Variants in KLHL20 observed in about 807,000 individuals in gnomAD.
KLHL20 encodes the protein kelch-like protein 20.
Under a neutral mutation model 69.5 loss-of-function variants are expected in KLHL20, and 29 were observed. That is an observed-to-expected ratio of 0.42 (90% confidence interval 0.31 to 0.57). KLHL20 has a LOEUF of 0.57. Among genes scored for constraint, KLHL20 ranks in the 20% least tolerant of loss-of-function variants. KLHL20 has a pLI of 0.18. For missense variants in KLHL20, 419 were observed against 776.0 expected (o/e 0.54, Z 5.47); for synonymous variants, 253 against 265.2 (o/e 0.95, Z 0.45).
chr1:173,749,804 A>G (rs1673220589), intron 3 of KLHL20, among the ~76,000 whole-genome samples: 2 of 152,332 alleles, frequency 1.3e-5, no homozygotes, highest in Admixed American at 1.3e-4. Flanking sequence ...AAGATACACA[A>G]TACCATACTT....
At chr1:173,730,272 A>G (rs1210557129) in intron 2 of KLHL20, among the ~76,000 whole-genome samples, 1 of 152,160 alleles carries the variant, frequency 6.6e-6, no homozygotes, top group East Asian at 1.9e-4. Flanking sequence ...AAGAATCAAT[A>G]TCATGAAAAT....
intron 2 of KLHL20, among the ~76,000 whole-genome samples, chr1:173,728,006 A>G (rs1672062559): frequency 6.6e-6 from 1 of 152,190 alleles, no homozygotes; most frequent in Non-Finnish European, 1.5e-5. Context: ...CAGGAAACCC[A>G]TCTCACGTGC....
In KLHL20 at chr1:173,757,057, C is replaced by A; in HGVS notation, c.1049C>A (p.Ser350Ter). Reference protein sequence around the residue: ...PQTNEWRMVASMSKRRCGVGV... With the variant: ...PQTNEWRMVA ...ACCAATGAATGGAGAATGGTGGCTT[C>A]AATGAGCAAAAGGAGATGCGGAGTT... Residue 350 changes from serine (S) to a stop codon, truncating the protein, a stop_gained, in exon 7 of 12, where the codon TCA becomes TAA. Coordinates refer to ENST00000209884, the MANE Select transcript of KLHL20 (RefSeq NM_014458.4). LOFTEE classifies it high-confidence loss of function. 6.2e-7 allele frequency: 1 copy of A among 1,614,080 alleles called. No homozygotes were observed.
At chr1:173,721,591 T>C (rs1401336675) in intron 2 of KLHL20, among the ~76,000 whole-genome samples, 1 of 152,220 alleles carries the variant, frequency 6.6e-6, no homozygotes, top group Non-Finnish European at 1.5e-5. Flanking sequence ...GATTTACCCT[T>C]CCTGCTCCAT....
chr1:173,758,030 G>A (rs1244161140), intron 7 of KLHL20, among the ~76,000 whole-genome samples: 2 of 152,076 alleles, frequency 1.3e-5, no homozygotes, highest in African/African-American at 4.8e-5. Flanking sequence ...TGTGCAGCTG[G>A]GGAAAAATCT....
chr1:173,762,330 C>G (rs1373495050), intron 7 of KLHL20, among the ~76,000 whole-genome samples: 1 of 152,054 alleles, frequency 6.6e-6, no homozygotes, highest in African/African-American at 2.4e-5. Flanking sequence ...TGACACTATT[C>G]CACAAGATAG....
chr1:173,783,703 A>G (rs1649024135), intron 11 of KLHL20, among the ~76,000 whole-genome samples: 1 of 152,050 alleles, frequency 6.6e-6, no homozygotes, highest in Non-Finnish European at 1.5e-5. Flanking sequence ...CCTCGTCTCT[A>G]CTAAAAATAC....
intron 2 of KLHL20, among the ~76,000 whole-genome samples, chr1:173,722,982 G>A (rs942269791): frequency 1.3e-5 from 2 of 152,126 alleles, no homozygotes; most frequent in African/African-American, 2.4e-5. Flanking sequence ...GAGCCACCGC[G>A]CCTGGCACTA....
rs769573886 is a variant in KLHL20 at position 173,734,402 on chromosome 1, A to T, written c.597+116A>T. Reference sequence around the variant, plus strand: ...TGCTGATTCTAACTCATAATAGCAAATAAATAAGTTATTATAAATCCTAAA... The same window carrying T: ...TGCTGATTCTAACTCATAATAGCAATTAAATAAGTTATTATAAATCCTAAA... On this transcript the variant is annotated intron_variant, in intron 3 of 11. Coordinates refer to ENST00000209884, the MANE Select transcript of KLHL20 (RefSeq NM_014458.4). 6.9e-6 allele frequency: 6 copies of T among 870,834 alleles called. No individual in the cohort carries two copies. In the Middle Eastern group the frequency reaches 6.5e-4, roughly 94 times the overall value. The allele number at this position is 870,834 out of a possible 1,614,324, so 53.9% of individuals were successfully genotyped here. A position where few individuals can be genotyped will look rare whatever the true frequency, so the allele number is the denominator to read the frequency against.
At chr1:173,757,932 CAAG>C (rs1310721327) in intron 7 of KLHL20, among the ~76,000 whole-genome samples, 5 of 152,148 alleles carry the variant, frequency 3.3e-5, no homozygotes, top group Non-Finnish European at 5.9e-5. Context: ...TTCTTGCTCT[CAAG>C]AAGCTGTGTT....
chr1:173,748,760 GA>G (rs150091168), intron 3 of KLHL20, among the ~76,000 whole-genome samples: 36 of 146,864 alleles, frequency 2.5e-4, no homozygotes, highest in African/African-American at 7.7e-4. Context: ...TAAAAAATCA[GA>G]AAAAAAAAAG....
chr1:173,760,417 A>T (rs565996009), intron 7 of KLHL20, among the ~76,000 whole-genome samples: 2 of 152,328 alleles, frequency 1.3e-5, no homozygotes, highest in African/African-American at 4.8e-5. Flanking sequence ...GCACGTTGTC[A>T]TCAGGTTATC....
At chr1:173,774,795 C>T (rs2180327) in intron 9 of KLHL20, among the ~76,000 whole-genome samples, 1 of 152,006 alleles carries the variant, frequency 6.6e-6, no homozygotes, top group Non-Finnish European at 1.5e-5. Flanking sequence ...ACTACAAATT[C>T]GTTTATTTGG....
intron 10 of KLHL20, among the ~76,000 whole-genome samples, chr1:173,776,374 C>G (rs186055701): frequency 6.6e-6 from 1 of 152,174 alleles, no homozygotes; most frequent in Non-Finnish European, 1.5e-5. Context: ...TGTGGGTTGT[C>G]TCTTCACTTT....
chr1:173,777,151 G>A (rs1018820745), intron 10 of KLHL20, among the ~76,000 whole-genome samples: 3 of 151,806 alleles, frequency 2.0e-5, no homozygotes, highest in Admixed American at 1.3e-4. Context: ...CAGTTTATTC[G>A]TAGGTATTTT....
chr1:173,740,153 G>C (rs376391962), intron 3 of KLHL20, among the ~76,000 whole-genome samples: 4 of 134,520 alleles, frequency 3.0e-5, no homozygotes, highest in Admixed American at 7.9e-5. Context: ...ATGGAGTCTC[G>C]CTCTGTTGCC....
chr1:173,737,978 AAG>A (rs1358152710), intron 3 of KLHL20, among the ~76,000 whole-genome samples: 3 of 151,214 alleles, frequency 2.0e-5, no homozygotes, highest in Non-Finnish European at 4.4e-5. Flanking sequence ...GCTATTATAA[AAG>A]GGGTTGGGTT....
rs1279169721 is a variant in KLHL20 at position 173,733,884 on chromosome 1, G to A, written c.195G>A (p.Arg65=). The A allele has an allele frequency of 4.3e-6, 7 of 1,614,012 alleles. No individual in the cohort carries two copies. Among genetic ancestry groups the A allele is most frequent in the Non-Finnish European group, 5.9e-6 (7 of 1,180,032 alleles). Residue 65 remains arginine (R), a synonymous_variant, in exon 3 of 12, where the codon CGG becomes CGA. Coordinates refer to ENST00000209884, the MANE Select transcript of KLHL20 (RefSeq NM_014458.4). ...TGATTAACCTTCTGAGAAAGCACCG[G>A]GAGCTATGTGATGTGGTGCTAGTTG... ...LEVINLLRKH[R]ELCDVVLVVG... is the part of the protein sequence containing the mutation.
intron 2 of KLHL20, among the ~76,000 whole-genome samples, chr1:173,720,866 A>G (rs1490497174): frequency 1.3e-5 from 2 of 152,184 alleles, no homozygotes; most frequent in Non-Finnish European, 2.9e-5. Context: ...ATTCTGTTTC[A>G]TATACTTTAA....
Sources: allele counts gnomAD v4.1 joint callset (sites outside exome capture counted in the v4.1 genomes callset), GRCh38; gene constraint gnomAD v4.1.1; transcripts MANE v1.5; gene names NCBI Gene and HGNC (gene_info 2026-07-23, HGNC 2026-07-21).